The following GADL1 variants were observed in gnomAD, a reference collection of about 807,000 sequenced individuals.
GADL1 encodes the protein acidic amino acid decarboxylase GADL1.
GADL1 carries 71 observed loss-of-function variants against 69.5 expected under a neutral mutation model. The observed-to-expected ratio is 1.02, with a 90% CI of 0.84 to 1.25. GADL1 has a LOEUF of 1.25. Among genes scored for constraint, GADL1 ranks in the 50% most tolerant of loss-of-function variants. The pLI is 0.00. For missense variants in GADL1, 737 were observed against 631.8 expected (o/e 1.17, Z -1.79); for synonymous variants, 254 against 214.4 (o/e 1.18, Z -1.62).
At chr3:30,859,393 T>C (rs1698280260) in intron 2 of GADL1, among the ~76,000 whole-genome samples, 1 of 151,962 alleles carries the variant, frequency 6.6e-6, no homozygotes, top group South Asian at 2.1e-4. Context: ...AAATGCATTT[T>C]GTTGAGGGTA....
chr3:30,873,245 A>AC (rs1698518369), intron 1 of GADL1, among the ~76,000 whole-genome samples: 1 of 151,984 alleles, frequency 6.6e-6, no homozygotes, highest in Non-Finnish European at 1.5e-5. Flanking sequence ...CTTACAATGG[A>AC]CCAGGTATTG....
intron 11 of GADL1, among the ~76,000 whole-genome samples, chr3:30,810,894 G>A (rs911957736): frequency 3.3e-5 from 5 of 152,126 alleles, no homozygotes; most frequent in African/African-American, 4.8e-5. Context: ...CTACAAGGGT[G>A]GGGCTGGAAA....
chr3:30,764,615 C>T (rs914456266), intron 14 of GADL1, among the ~76,000 whole-genome samples: 6 of 152,154 alleles, frequency 3.9e-5, no homozygotes, highest in African/African-American at 1.4e-4. Context: ...AACAGTGGAA[C>T]ACAATAGATG....
intron 11 of GADL1, among the ~76,000 whole-genome samples, chr3:30,821,523 A>G (rs989664507): frequency 5.9e-5 from 8 of 135,662 alleles, no homozygotes; most frequent in Admixed American, 3.0e-4. Context: ...TTTTGTACAT[A>G]TTTGAAATTT....
Position 30,728,183 on chromosome 3 carries a change from GT to G in GADL1, c.*58del. On this transcript the variant is annotated 3_prime_UTR_variant, in exon 15 of 15. Coordinates refer to ENST00000282538, the MANE Select transcript of GADL1 (RefSeq NM_207359.3). ...GCAATCTACTGTGTATCTCCAAGATGTTCTGGATCTAAACTCTCCCAGGATA... is the reference window on the plus strand; with the variant it reads ...GCAATCTACTGTGTATCTCCAAGATGTCTGGATCTAAACTCTCCCAGGATA... 6 of 1,445,440 alleles carry G rather than the reference GT, an allele frequency of 4.2e-6. No homozygotes were observed. The highest frequency in any genetic ancestry group is 5.8e-6 in the Non-Finnish European group (6 of 1,031,976). 89.5% of individuals were successfully genotyped at this position (1,445,440 alleles called of 1,614,324 possible). A position where few individuals can be genotyped will look rare whatever the true frequency, so the allele number is the denominator to read the frequency against.
chr3:30,852,643 T>TAA (rs11409920), intron 4 of GADL1, among the ~76,000 whole-genome samples: 1,881 of 146,862 alleles, frequency 0.013, 24 homozygotes, highest in Middle Eastern at 0.035. Context: ...ACTTTCATAA[T>TAA]AAAAAAAAAA....
chr3:30,839,353 C>T (rs1428550194), intron 8 of GADL1, among the ~76,000 whole-genome samples: 2 of 151,690 alleles, frequency 1.3e-5, no homozygotes, highest in Admixed American at 1.3e-4. Flanking sequence ...AGTACATCTT[C>T]AGTATTATTC....
chr3:30,745,239 T>C (rs1423176354), intron 14 of GADL1, among the ~76,000 whole-genome samples: 1 of 152,216 alleles, frequency 6.6e-6, no homozygotes, highest in African/African-American at 2.4e-5. Flanking sequence ...GCCAAGTTAA[T>C]GAATGAGGTC....
intron 11 of GADL1, among the ~76,000 whole-genome samples, chr3:30,808,886 C>A (rs538657081): frequency 2.6e-5 from 4 of 152,264 alleles, no homozygotes; most frequent in South Asian, 2.1e-4. Context: ...CAAAATAATT[C>A]GAAAACTCAC....
chr3:30,771,402 G>GA (rs1288952823), intron 14 of GADL1, among the ~76,000 whole-genome samples: 1 of 152,132 alleles, frequency 6.6e-6, no homozygotes, highest in African/African-American at 2.4e-5. Flanking sequence ...ATGGTTTGGG[G>GA]AAAGAGCATA....
chr3:30,806,778 T>C (rs1223149843), intron 11 of GADL1, among the ~76,000 whole-genome samples: 1 of 151,996 alleles, frequency 6.6e-6, no homozygotes, highest in Non-Finnish European at 1.5e-5. Flanking sequence ...ACTAATTGAG[T>C]ACAACTGGAG....
chr3:30,813,198 A>G lies in GADL1; in HGVS notation c.1051-12110T>C, dbSNP rs537782250. On this transcript the variant is annotated intron_variant, in intron 11 of 14. Transcript: ENST00000282538. ...ACTGTCAACTACATCACCTTGCTTC[A>G]TCATATAACATTTTCATTCATCTGC... Among the ~76,000 whole-genome samples, 58 of 152,342 alleles carry G rather than the reference A, an allele frequency of 3.8e-4. No individual in the cohort carries two copies. In the South Asian group the frequency reaches 0.012, roughly 30 times the overall value.
chr3:30,730,968 G>T (rs1191965089), intron 14 of GADL1, among the ~76,000 whole-genome samples: 3 of 152,154 alleles, frequency 2.0e-5, no homozygotes, highest in African/African-American at 7.2e-5. Flanking sequence ...TCTGGCCACA[G>T]GGCAATGGAG....
At chr3:30,823,424 G>A (rs112033509) in intron 11 of GADL1, among the ~76,000 whole-genome samples, 1 of 151,876 alleles carries the variant, frequency 6.6e-6, no homozygotes, top group African/African-American at 2.4e-5. Context: ...GGACCCAAAG[G>A]TCTCCACCAT....
At chr3:30,892,918 C>G (rs746856721) in intron 1 of GADL1, among the ~76,000 whole-genome samples, 14 of 152,136 alleles carry the variant, frequency 9.2e-5, no homozygotes, top group Non-Finnish European at 1.8e-4. Context: ...TACAGTGGCG[C>G]GAATCTTGGC....
chr3:30,765,306 G>A (rs1696243577), intron 14 of GADL1, among the ~76,000 whole-genome samples: 3 of 45,474 alleles, frequency 6.6e-5, no homozygotes, highest in Admixed American at 4.1e-4. Flanking sequence ...GGTTTTTACT[G>A]CAGACCAACT....
At chr3:30,779,524 C>A in intron 13 of GADL1, among the ~76,000 whole-genome samples, 1 of 151,726 alleles carries the variant, frequency 6.6e-6, no homozygotes, top group East Asian at 1.9e-4. Context: ...GTCATTCTTA[C>A]AAATCTACAC....
chr3:30,814,967 T>TAA (rs202079162), intron 11 of GADL1, among the ~76,000 whole-genome samples: 3 of 131,796 alleles, frequency 2.3e-5, no homozygotes, highest in African/African-American at 8.3e-5. Flanking sequence ...CTGTCTCATT[T>TAA]AAAAAAAAAA....
chr3:30,851,080 A>T (rs1698138904), intron 4 of GADL1, 139 bp from the exon 5 acceptor site: 1 of 569,784 alleles, frequency 1.8e-6, no homozygotes, highest in Non-Finnish European at 3.1e-6. Flanking sequence ...TCCATTGAAA[A>T]TAGAGAATTA....
Sources: allele counts gnomAD v4.1 joint callset (sites outside exome capture counted in the v4.1 genomes callset), GRCh38; gene constraint gnomAD v4.1.1; transcripts MANE v1.5; gene names NCBI Gene and HGNC (gene_info 2026-07-23, HGNC 2026-07-21).